Variants in RANBP17 observed in about 807,000 individuals in gnomAD.
The protein encoded by RANBP17 is RAN binding protein 17.
RANBP17 carries 158 observed loss-of-function variants against 141.2 expected under a neutral mutation model. The ratio of observed to expected loss-of-function variants is 1.12; its 90% CI spans 0.98 to 1.28. The LOEUF (loss-of-function observed/expected upper bound fraction) is 1.28, where lower values mean the gene tolerates loss of function less well. Among genes scored for constraint, RANBP17 ranks in the 50% most tolerant of loss-of-function variants. The pLI, the probability that RANBP17 is intolerant of heterozygous loss-of-function variation, is 0.00. For missense variants in RANBP17, 1,438 were observed against 1,290.7 expected (o/e 1.11, Z -1.75); for synonymous variants, 430 against 450.0 (o/e 0.96, Z 0.56).
intron 12 of RANBP17, among the ~76,000 whole-genome samples, chr5:170,941,960 A>G (rs141517157): frequency 4.6e-4 from 70 of 152,298 alleles, no homozygotes; most frequent in African/African-American, 1.6e-3. Flanking sequence ...ATGAAGCGGT[A>G]CTGGTTCATG....
At chr5:171,209,963 C>CGGAT (rs903702566) in intron 20 of RANBP17, among the ~76,000 whole-genome samples, 2 of 151,676 alleles carry the variant, frequency 1.3e-5, no homozygotes, top group African/African-American at 4.8e-5. Flanking sequence ...GACAGACGGA[C>CGGAT]GGATGGATGG....
chr5:171,073,223 G>A (rs1241588158), intron 14 of RANBP17, among the ~76,000 whole-genome samples: 2 of 151,952 alleles, frequency 1.3e-5, no homozygotes, highest in African/African-American at 2.4e-5. Flanking sequence ...TATAACTGAT[G>A]AATCTAACTA....
In RANBP17 at chr5:171,279,172, G is replaced by A. The variant is rs890510591; in HGVS notation, c.2943+13325G>A. Among the ~76,000 whole-genome samples the A allele has an allele frequency of 2.6e-5, 4 of 152,166 alleles. No homozygotes were observed. The South Asian group carries it at 8.3e-4, about 31-fold the overall frequency. Reference sequence around the variant, plus strand: ...GGACTGGGTGAGGGCATGGTGTGGTGTGAGTTTGAAATTCTTGGCCCCAAA... The same window carrying A: ...GGACTGGGTGAGGGCATGGTGTGGTATGAGTTTGAAATTCTTGGCCCCAAA... On this transcript the variant is annotated intron_variant, in intron 25 of 27. Coordinates refer to ENST00000523189, the MANE Select transcript of RANBP17 (RefSeq NM_022897.5).
intron 5 of RANBP17, chr5:170,896,934 C>G (rs1055652102): frequency 2.8e-6 from 2 of 716,996 alleles, no homozygotes; most frequent in Non-Finnish European, 4.9e-6. Context: ...CCAGAATGAC[C>G]CAGTTGGTGG....
chr5:170,968,337 G>T lies in RANBP17; in HGVS notation c.1670G>T (p.Arg557Leu). Reference protein sequence around the residue: ...LAILWFLDQFRKTYVGDQLQR... With the variant: ...LAILWFLDQFLKTYVGDQLQR... ...ATTCTGTGGTTCTTGGATCAGTTTC[G>T]TAAAACATATGTTGGTGATCAACTT... The change falls in exon 14 of 28, where the codon CGT becomes CTT. Residue 557 changes from arginine to leucine, a missense_variant. By Grantham distance (102) the Arg-to-Leu change is moderately radical. Transcript: ENST00000523189. 1.2e-6 allele frequency: 2 copies of T among 1,608,680 alleles called. No individual in the cohort carries two copies. Among genetic ancestry groups the T allele is most frequent in the Non-Finnish European group, 8.5e-7 (1 of 1,177,776 alleles).
intron 14 of RANBP17, among the ~76,000 whole-genome samples, chr5:170,982,900 A>C (rs1777871367): frequency 6.6e-6 from 1 of 152,214 alleles, no homozygotes; most frequent in Non-Finnish European, 1.5e-5. Context: ...TCTCAATTGC[A>C]ATACTAAAAT....
At chr5:171,024,687 T>C (rs1013707871) in intron 14 of RANBP17, among the ~76,000 whole-genome samples, 3 of 152,220 alleles carry the variant, frequency 2.0e-5, no homozygotes, top group Non-Finnish European at 4.4e-5. Flanking sequence ...TTTTATTTTC[T>C]AATCTCTGTA....
At chr5:170,973,841 A>G (rs1777166157) in intron 14 of RANBP17, among the ~76,000 whole-genome samples, 2 of 152,314 alleles carry the variant, frequency 1.3e-5, no homozygotes, top group South Asian at 2.1e-4. Flanking sequence ...GTGTGTTCAC[A>G]TAGTGGAAAG....
At chr5:171,191,686 C>CAA (rs200060268) in intron 18 of RANBP17, among the ~76,000 whole-genome samples, 2 of 128,316 alleles carry the variant, frequency 1.6e-5, no homozygotes, top group Admixed American at 8.0e-5. Context: ...GACTCCGTCT[C>CAA]AAAAAAAAAA....
At chr5:171,166,224 T>G (rs1418055357) in intron 14 of RANBP17, among the ~76,000 whole-genome samples, 1 of 152,126 alleles carries the variant, frequency 6.6e-6, no homozygotes, top group Admixed American at 6.5e-5. Context: ...TTACAGAATG[T>G]GCATCTCTGA....
In RANBP17 at chr5:171,189,702, T is replaced by C. The variant is rs572110064; in HGVS notation, c.2038+6272T>C. Among the ~76,000 whole-genome samples the C allele has an allele frequency of 3.2e-4, 49 of 152,364 alleles. No individual in the cohort carries two copies. The South Asian group carries it at 4.8e-3, about 15-fold the overall frequency. On this transcript the variant is annotated intron_variant, in intron 18 of 27. Coordinates refer to ENST00000523189, the MANE Select transcript of RANBP17 (RefSeq NM_022897.5). ...CCACTCTTGTGCCCGATTAGTCTCT[T>C]GTTGCTCTCTGTTCAGAGTGTTATT...
chr5:170,923,642 T>G lies in RANBP17; in HGVS notation c.1275-715T>G, dbSNP rs185499955. On this transcript the variant is annotated intron_variant, in intron 11 of 27. Transcript: ENST00000523189. ...GTCTCTGAGCATGTCTATCTTTTAG[T>G]TTATTTAGCTCTTCTCTGATTTTTC... is the stretch of plus-strand genomic sequence containing the variant. Among the ~76,000 whole-genome samples the G allele has an allele frequency of 5.7e-3, 870 of 152,282 alleles. 7 individuals carry two copies. The highest frequency in any genetic ancestry group is 1.0e-2 in the Non-Finnish European group (677 of 68,010).
intron 14 of RANBP17, among the ~76,000 whole-genome samples, chr5:171,164,401 A>G (rs541013136): frequency 3.9e-5 from 6 of 152,210 alleles, no homozygotes; most frequent in African/African-American, 1.4e-4. Context: ...TTATGTTGCT[A>G]TTTGTAGTTT....
chr5:171,130,914 A>C (rs925506125), intron 14 of RANBP17, among the ~76,000 whole-genome samples: 1 of 152,162 alleles, frequency 6.6e-6, no homozygotes, highest in Admixed American at 6.5e-5. Context: ...CATTTTATTT[A>C]TAATAAAACT....
At chr5:170,936,019 T>C (rs1186397929) in intron 12 of RANBP17, among the ~76,000 whole-genome samples, 1 of 152,218 alleles carries the variant, frequency 6.6e-6, no homozygotes, top group Non-Finnish European at 1.5e-5. Flanking sequence ...CCAGCCTCGC[T>C]GCCGCCTTGC....
chr5:171,298,732 A>G, intron 27 of RANBP17, 30 bp from the exon 28 acceptor site: 2 of 1,564,090 alleles, frequency 1.3e-6, no homozygotes, highest in Non-Finnish European at 1.8e-6. Context: ...CCTCATTACT[A>G]CCCTTGACCC....
At chr5:171,081,829 T>C (rs1369046758) in intron 14 of RANBP17, among the ~76,000 whole-genome samples, 1 of 152,164 alleles carries the variant, frequency 6.6e-6, no homozygotes, top group African/African-American at 2.4e-5. Context: ...ATGTTAGATA[T>C]GTCGAATGCA....
chr5:171,051,754 A>G (rs1383447983), intron 14 of RANBP17, among the ~76,000 whole-genome samples: 1 of 152,168 alleles, frequency 6.6e-6, no homozygotes, highest in Non-Finnish European at 1.5e-5. Flanking sequence ...GGGTATATAC[A>G]TAAAAGTAGA....
rs1043313379 is a variant in RANBP17, at chr5:171,063,177, G to A, written c.1710+94800G>A. On this transcript the variant is annotated intron_variant, in intron 14 of 27. Coordinates refer to ENST00000523189, the MANE Select transcript of RANBP17 (RefSeq NM_022897.5). ...TCTCAACTCGTCAAACTCATTCTCT[G>A]TCCAGCTTTGTTCTGTTGCTGGTGA... Among the ~76,000 whole-genome samples the A allele has an allele frequency of 6.0e-3, 910 of 152,306 alleles. 31 individuals carry two copies. The highest frequency in any genetic ancestry group is 0.037 in the Admixed American group (569 of 15,288).
Sources: allele counts gnomAD v4.1 joint callset (sites outside exome capture counted in the v4.1 genomes callset), GRCh38; gene constraint gnomAD v4.1.1; transcripts MANE v1.5; gene names NCBI Gene and HGNC (gene_info 2026-07-23, HGNC 2026-07-21).